DDB1: variants seen among roughly 807,000 people sequenced by gnomAD.
DDB1 encodes the protein DNA damage-binding protein 1.
DDB1 carries 18 observed loss-of-function variants against 133.1 expected under a neutral mutation model. The ratio of observed to expected loss-of-function variants is 0.14; its 90% confidence interval spans 0.09 to 0.20. DDB1 has a LOEUF of 0.20. Ranked by LOEUF, DDB1 falls within the 10% of genes least tolerant of loss-of-function variation. The pLI, the probability that DDB1 is intolerant of heterozygous loss-of-function variation, is 1.00. For synonymous variants in DDB1, 580 were observed against 550.5 expected (o/e 1.05, Z -0.75); for missense variants, 828 against 1,459.2 (o/e 0.57, Z 7.05).
chr11:61,308,876 T>C (rs1012226613), intron 21 of DDB1, 107 bp downstream of exon 21: 6 of 1,097,464 alleles, frequency 5.5e-6, no homozygotes, highest in Non-Finnish European at 8.3e-6. Context: ...GCTACTTTGT[T>C]CTCCTTCAGA....
At chr11:61,325,482 C>T (rs949078225) in intron 6 of DDB1, 129 bp downstream of exon 6, 3 of 743,192 alleles carry the variant, frequency 4.0e-6, no homozygotes, top group African/African-American at 1.8e-5. Context: ...CAACGCAATA[C>T]CTTATATACA....
intron 10 of DDB1, among the ~76,000 whole-genome samples, chr11:61,316,986 T>G (rs866965264): frequency 1.3e-4 from 10 of 74,894 alleles, no homozygotes; most frequent in South Asian, 4.3e-4. Context: ...TATATATATA[T>G]ATATATATAT....
At position 61,331,683 on chromosome 11, in the gene DDB1, TAAAGTG is replaced by T; in HGVS notation, c.64_69del (p.His22_Phe23del). 1 of 1,614,168 alleles carries T rather than the reference TAAAGTG, an allele frequency of 6.2e-7. No individual in the cohort carries two copies. The highest frequency in any genetic ancestry group is 8.5e-7 in the Non-Finnish European group (1 of 1,180,016). On this transcript the variant is annotated inframe_deletion and splice_region_variant, in exon 2 of 27. Coordinates refer to ENST00000301764, the MANE Select transcript of DDB1 (RefSeq NM_001923.5). ...AACAGGTTTAAGTCTTCGGCCGAAG[TAAAGTG>T]TCCTGAAAGAACAGACCCTCTAACT...
rs992765858 is a variant in DDB1, at chr11:61,299,767, AGTGT to A, written c.*365_*368del. On this transcript the variant is annotated 3_prime_UTR_variant, in exon 27 of 27. Coordinates refer to ENST00000301764, the MANE Select transcript of DDB1 (RefSeq NM_001923.5). ...CTAAATAAAAAGAGGACAATGCATG[AGTGT>A]GAGATACACATACACACACACACAT... 12 of 300,324 alleles carry A rather than the reference AGTGT, an allele frequency of 4.0e-5. No individual in the cohort carries two copies. The highest frequency in any genetic ancestry group is 7.1e-5 in the Non-Finnish European group (11 of 155,220). The allele number at this position is 300,324 out of a possible 1,614,324, so 18.6% of individuals were successfully genotyped here.
At chr11:61,329,742 CT>C (rs1856334514) in intron 3 of DDB1, among the ~76,000 whole-genome samples, 158 bp from the exon 4 acceptor site, 1 of 152,162 alleles carries the variant, frequency 6.6e-6, no homozygotes, top group African/African-American at 2.4e-5. Context: ...CAGTGCATGC[CT>C]TTTTCATGAA....
At chr11:61,330,892 G>A (rs529345982) in intron 2 of DDB1, among the ~76,000 whole-genome samples, 4 of 152,302 alleles carry the variant, frequency 2.6e-5, no homozygotes, top group South Asian at 4.1e-4. Flanking sequence ...CTGACCTCAC[G>A]TGATCCACCC....
chr11:61,317,530 G>A (rs986085919), intron 10 of DDB1, among the ~76,000 whole-genome samples: 1 of 151,962 alleles, frequency 6.6e-6, no homozygotes, highest in Admixed American at 6.6e-5. Context: ...TATTTGAGAC[G>A]GAGTCTTGCT....
At chr11:61,317,364 G>C (rs897581024) in intron 10 of DDB1, among the ~76,000 whole-genome samples, 28 of 151,964 alleles carry the variant, frequency 1.8e-4, no homozygotes, top group African/African-American at 6.8e-4. Context: ...CCGCCACCTT[G>C]GCCTCCCAAA....
chr11:61,301,133 G>C (rs767684924), intron 25 of DDB1: 1 of 675,216 alleles, frequency 1.5e-6, no homozygotes, highest in Non-Finnish European at 2.4e-6. Flanking sequence ...TTCTCAATTG[G>C]GGTGATCTTC....
Position 61,313,973 on chromosome 11 carries a change from T to C in DDB1, c.1754-4A>G, listed in dbSNP as rs1856021669. On this transcript the variant is annotated splice_polypyrimidine_tract_variant and splice_region_variant and intron_variant, in intron 14 of 26. Transcript: ENST00000301764. ...AGGATGGAGCGAGGAATGATCTCTG[T>C]GAGAAAGGGGGACATTATGTTCTTG... 5 of 1,614,134 alleles carry C rather than the reference T, an allele frequency of 3.1e-6. No individual in the cohort carries two copies. The highest frequency in any genetic ancestry group is 3.3e-4 in the Middle Eastern group (2 of 6,062).
chr11:61,300,947 T>A lies in DDB1; in HGVS notation c.3216-15A>T. 6.2e-7 allele frequency: 1 copy of A among 1,614,026 alleles called. No homozygotes were observed. Among genetic ancestry groups the A allele is most frequent in the South Asian group, 1.1e-5 (1 of 91,056 alleles). Reference sequence around the variant, plus strand: ...AGGATCTCCAGGTGGATGGGTGAGTTAAGGAACACGTGCTTATCAGGAAAC... The same window carrying A: ...AGGATCTCCAGGTGGATGGGTGAGTAAAGGAACACGTGCTTATCAGGAAAC... On this transcript the variant is annotated splice_polypyrimidine_tract_variant and intron_variant, in intron 25 of 26. Transcript: ENST00000301764.
intron 6 of DDB1, among the ~76,000 whole-genome samples, chr11:61,325,006 G>A (rs540097018): frequency 7.8e-4 from 119 of 152,250 alleles, no homozygotes; most frequent in Non-Finnish European, 1.3e-3. Flanking sequence ...AAATTAGCCG[G>A]GCGTGATGGC....
intron 10 of DDB1, among the ~76,000 whole-genome samples, chr11:61,318,590 T>C (rs977849406): frequency 1.3e-5 from 2 of 152,216 alleles, no homozygotes; most frequent in Non-Finnish European, 2.9e-5. Flanking sequence ...AAATATGTTA[T>C]AAATTAGGAA....
At chr11:61,303,005 C>T (rs1438968492) in intron 23 of DDB1, 41 bp downstream of exon 23, 2 of 1,573,828 alleles carry the variant, frequency 1.3e-6, no homozygotes, top group Non-Finnish European at 1.7e-6. Context: ...CCAAGGAACT[C>T]CCAGCCCTCC....
chr11:61,299,467 A>G lies in DDB1; in HGVS notation c.*669T>C, dbSNP rs1343606999. ...AAATGTACCTTTCTTCTTATATTCT[A>G]CTTTATTTGGTAAAACTCAGAAACT... On this transcript the variant is annotated 3_prime_UTR_variant, in exon 27 of 27. Transcript: ENST00000301764. 6.6e-6 allele frequency: 1 copy of G among 152,298 alleles called. No individual in the cohort carries two copies. Among genetic ancestry groups the G allele is most frequent in the Non-Finnish European group, 1.5e-5 (1 of 68,118 alleles). The allele number at this position is 152,298 out of a possible 1,614,324, so 9.4% of individuals were successfully genotyped here.
At chr11:61,323,137 T>C in intron 7 of DDB1, 43 bp from the exon 8 acceptor site, 1 of 1,522,062 alleles carries the variant, frequency 6.6e-7, no homozygotes. Context: ...GAATGGACCC[T>C]ACGTGGGATC....
chr11:61,322,979 A>C, intron 8 of DDB1, 32 bp downstream of exon 8: 2 of 1,593,378 alleles, frequency 1.3e-6, no homozygotes. Context: ...TGAGTACAGC[A>C]AAAAAGAAAC....
intron 25 of DDB1, 107 bp downstream of exon 25, chr11:61,302,150 T>G: frequency 1.0e-6 from 1 of 983,284 alleles, no homozygotes; most frequent in Non-Finnish European, 1.6e-6. Context: ...ACCTGTTCTG[T>G]ACAGGAACCT....
At chr11:61,311,596 C>G (rs1445514575) in intron 18 of DDB1, among the ~76,000 whole-genome samples, 188 bp downstream of exon 18, 1 of 152,136 alleles carries the variant, frequency 6.6e-6, no homozygotes, top group Non-Finnish European at 1.5e-5. Flanking sequence ...TAAAAATAAA[C>G]TTTTATAGAA....
Sources: gnomAD v4.1 joint callset for allele counts (sites outside exome capture counted in the v4.1 genomes callset) on GRCh38, gnomAD v4.1.1 for gene constraint, MANE v1.5 for transcripts, NCBI Gene and HGNC (gene_info 2026-07-23, HGNC 2026-07-21) for gene names.